ADGRB1: variants seen among roughly 807,000 people sequenced by gnomAD.
The protein encoded by ADGRB1 is brain-specific angiogenesis inhibitor 1.
Under a neutral mutation model 175.7 loss-of-function variants are expected in ADGRB1, and 36 were observed. That is an observed-to-expected ratio of 0.20 (90% CI 0.16 to 0.27). ADGRB1 has a LOEUF of 0.27. ADGRB1 is among the 10% of genes least tolerant of loss of function. The pLI is 1.00. For synonymous variants in ADGRB1, 1,054 were observed against 979.4 expected (o/e 1.08, Z -1.42); for missense variants, 1,731 against 2,255.3 (o/e 0.77, Z 4.71).
Position 142,479,664 on chromosome 8 carries a change from C to T in ADGRB1, c.1727-29C>T, listed in dbSNP as rs1413710424. On this transcript the variant is annotated intron_variant, in intron 8 of 30. Coordinates refer to ENST00000517894, the MANE Select transcript of ADGRB1 (RefSeq NM_001702.3). ...AGCTGCCGGCTCTCAGTACCCCTTC[C>T]TGAACCCCTGTCCCGGGCCCCTTGG... 6.2e-6 allele frequency: 10 copies of T among 1,605,796 alleles called. No individual in the cohort carries two copies. The Admixed American group carries it at 1.2e-4, about 19-fold the overall frequency.
At chr8:142,541,370 C>G (rs1350134221) in intron 27 of ADGRB1, among the ~76,000 whole-genome samples, 1 of 152,096 alleles carries the variant, frequency 6.6e-6, no homozygotes, top group African/African-American at 2.4e-5. Flanking sequence ...ATGGAGACCT[C>G]TCTCCAGGGA....
chr8:142,486,227 C>T (rs1211716677), intron 13 of ADGRB1, among the ~76,000 whole-genome samples: 1 of 152,188 alleles, frequency 6.6e-6, no homozygotes, highest in East Asian at 1.9e-4. Context: ...CACTCAGCTG[C>T]CAAGAACTGG....
intron 1 of ADGRB1, among the ~76,000 whole-genome samples, chr8:142,451,208 C>T (rs1839330647): frequency 6.6e-6 from 1 of 152,148 alleles, no homozygotes; most frequent in Non-Finnish European, 1.5e-5. Flanking sequence ...GAGGGCTTGA[C>T]GGAGGCTGCG....
chr8:142,500,568 C>G (rs1306857619), intron 17 of ADGRB1, among the ~76,000 whole-genome samples: 4 of 151,724 alleles, frequency 2.6e-5, no homozygotes, highest in Non-Finnish European at 4.4e-5. Context: ...ACCCGTGTCC[C>G]TGTCCCCAGG....
Position 142,542,457 on chromosome 8 carries a change from C to A in ADGRB1, c.4223C>A (p.Pro1408His). Residue 1408 changes from proline (P) to histidine (H), a missense_variant, in exon 28 of 31, where the codon CCT becomes CAT. Pro to His is a moderately conservative substitution (Grantham distance 77, BLOSUM62 -2). Transcript: ENST00000517894. This position sits in a 1 kb window ranked among gnomAD's most constrained non-coding sequence, Gnocchi z 6.3. ...AGCGGCGGGCCCCCCGAGGCACCCC[C>A]TGCCCAGCCCCCACCGCCTCCGCCC... ...PPSGGPPEAP[P>H]AQPPPPPPPP... The A allele has an allele frequency of 7.3e-7, 1 of 1,377,230 alleles. No homozygotes were observed. The highest frequency in any genetic ancestry group is 1.5e-5 in the South Asian group (1 of 65,660). The allele number at this position is 1,377,230 out of a possible 1,614,324, so 85.3% of individuals were successfully genotyped here.
chr8:142,502,433 T>A (rs1169136799), intron 17 of ADGRB1, among the ~76,000 whole-genome samples: 1 of 1,000 alleles, frequency 1.0e-3, no homozygotes. Context: ...GTGGTGGTGG[T>A]GGTAGTGGTG....
At chr8:142,470,505 T>G (rs1388177884) in intron 2 of ADGRB1, among the ~76,000 whole-genome samples, 1 of 150,902 alleles carries the variant, frequency 6.6e-6, no homozygotes, top group Non-Finnish European at 1.5e-5. Context: ...TTAGTGTATG[T>G]GTCCCTGTGT....
In ADGRB1 at chr8:142,542,449, G is replaced by A; in HGVS notation, c.4215G>A (p.Glu1405=). ...SRQPPSGGPP[E]APPAQPPPPP... The stretch of plus-strand genomic sequence containing the variant: ...AGCCCCCCAGCGGCGGGCCCCCCGA[G>A]GCACCCCCTGCCCAGCCCCCACCGC... The change falls in exon 28 of 31, where the codon GAG becomes GAA. Residue 1405 remains glutamate (E), a synonymous_variant. Coordinates refer to ENST00000517894, the MANE Select transcript of ADGRB1 (RefSeq NM_001702.3). The surrounding 1 kb of genome is among the most constrained non-coding windows in gnomAD (Gnocchi z 6.3). 2 of 1,175,308 alleles carry A rather than the reference G, an allele frequency of 1.7e-6. No homozygotes were observed. Among genetic ancestry groups the A allele is most frequent in the Non-Finnish European group, 2.2e-6 (2 of 918,650 alleles). 72.8% of individuals were successfully genotyped at this position (1,175,308 alleles called of 1,614,324 possible). A position where few individuals can be genotyped will look rare whatever the true frequency, so the allele number is the denominator to read the frequency against.
chr8:142,518,623 C>T (rs1843589234), intron 19 of ADGRB1, among the ~76,000 whole-genome samples: 1 of 152,220 alleles, frequency 6.6e-6, no homozygotes, highest in Non-Finnish European at 1.5e-5. Context: ...ACTCTCCACC[C>T]CAAACCCCCT....
chr8:142,516,688 G>A (rs1436260366), intron 18 of ADGRB1, among the ~76,000 whole-genome samples: 28 of 135,410 alleles, frequency 2.1e-4, no homozygotes, highest in Admixed American at 1.8e-3. Flanking sequence ...GCCTGTGTGC[G>A]GGCCCCAGGT....
At chr8:142,484,970 G>A (rs1038012401) in intron 13 of ADGRB1, among the ~76,000 whole-genome samples, 3 of 152,194 alleles carry the variant, frequency 2.0e-5, no homozygotes, top group East Asian at 1.9e-4. Flanking sequence ...CACAGCCCAC[G>A]GGGTGTGGAC....
chr8:142,494,965 C>A (rs1435166507), intron 17 of ADGRB1, among the ~76,000 whole-genome samples: 3 of 152,136 alleles, frequency 2.0e-5, no homozygotes, highest in African/African-American at 4.8e-5. Flanking sequence ...AGTTCCTTGA[C>A]CACAGGTGTC....
intron 2 of ADGRB1, among the ~76,000 whole-genome samples, chr8:142,468,223 T>TGCGC (rs1456968859): frequency 2.7e-4 from 41 of 151,564 alleles, no homozygotes; most frequent in African/African-American, 9.5e-4. Flanking sequence ...TGTGTGTGTG[T>TGCGC]GTGCGTGTGC....
At chr8:142,515,909 C>G (rs1223387467) in intron 18 of ADGRB1, among the ~76,000 whole-genome samples, 3 of 152,230 alleles carry the variant, frequency 2.0e-5, no homozygotes, top group Admixed American at 2.0e-4. Context: ...TCTTGCCCTC[C>G]CAGAGCGTAG....
At chr8:142,450,128 CTGGGGGCGCGGCGGG>C (rs1008123304) in intron 1 of ADGRB1, 24 bp downstream of exon 1, 7 of 43,146 alleles carry the variant, frequency 1.6e-4, no homozygotes, top group Non-Finnish European at 2.8e-4. Flanking sequence ...CGGCGGGGGG[CTGGGGGCGCGGCGGG>C]TGGGGGCGCA....
chr8:142,498,169 CTCTT>C (rs1378523319), intron 17 of ADGRB1, among the ~76,000 whole-genome samples: 1 of 152,174 alleles, frequency 6.6e-6, no homozygotes, highest in African/African-American at 2.4e-5. Context: ...CTACCCCTGT[CTCTT>C]TCTTCCTGGC....
chr8:142,509,425 C>T (rs553714252), intron 17 of ADGRB1, among the ~76,000 whole-genome samples: 2 of 152,304 alleles, frequency 1.3e-5, no homozygotes, highest in Admixed American at 6.5e-5. Flanking sequence ...GGCGGCTTTT[C>T]GTGTGGGGTC....
rs1182312957 is a variant in ADGRB1 at position 142,449,659 on chromosome 8, G to C, written c.-665G>C. ...AAGGGGAAAAAAGGCGAGAAGAGCC[G>C]GGCAGGCGAGAGGAGCGGAGCGGCG... On this transcript the variant is annotated 5_prime_UTR_variant, in exon 1 of 31. Coordinates refer to ENST00000517894, the MANE Select transcript of ADGRB1 (RefSeq NM_001702.3). 4.3e-5 allele frequency: 6 copies of C among 139,276 alleles called. No individual in the cohort carries two copies. Among genetic ancestry groups the C allele is most frequent in the African/African-American group, 1.3e-4 (5 of 37,956 alleles). The allele number at this position is 139,276 out of a possible 1,614,324, so 8.6% of individuals were successfully genotyped here.
At position 142,463,969 on chromosome 8, in the gene ADGRB1, TTC is replaced by T. The variant is rs1840102262; in HGVS notation, c.-219-7_-219-6del. On this transcript the variant is annotated splice_polypyrimidine_tract_variant and intron_variant, in intron 1 of 30. Transcript: ENST00000517894. ...AGTGCTCACTCTGACCCTCTGCTCT[TTC>T]TCTTCCAGCTGCTGCTGGTGGCCAC... The T allele has an allele frequency of 2.8e-6, 1 of 357,250 alleles. No homozygotes were observed. The highest frequency in any genetic ancestry group is 4.9e-6 in the Non-Finnish European group (1 of 202,816). 22.1% of individuals were successfully genotyped at this position (357,250 alleles called of 1,614,324 possible).
Sources: gnomAD v4.1 joint callset for allele counts (sites outside exome capture counted in the v4.1 genomes callset) on GRCh38, gnomAD v4.1.1 for gene constraint, Gnocchi (gnomAD v3.1) non-coding constraint, MANE v1.5 for transcripts, NCBI Gene and HGNC (gene_info 2026-07-23, HGNC 2026-07-21) for gene names.